UBE2D3: variants seen among roughly 807,000 people sequenced by gnomAD.
The protein encoded by UBE2D3 is ubiquitin-conjugating enzyme E2 D3.
In UBE2D3, 2 loss-of-function variants were observed where a neutral mutation model predicts 22.8. The observed-to-expected ratio is 0.09, with a 90% CI of 0.04 to 0.28. The LOEUF is 0.28. Among genes scored for constraint, UBE2D3 ranks in the 10% least tolerant of loss-of-function variants. UBE2D3 has a pLI of 1.00. For synonymous variants in UBE2D3, 56 were observed against 60.4 expected, an observed-to-expected ratio of 0.93 and a Z score of 0.34; for missense variants, 27 against 182.5, an observed-to-expected ratio of 0.15 and a Z score of 4.91.
intron 7 of UBE2D3, among the ~76,000 whole-genome samples, chr4:102,798,670 A>G (rs983293408): frequency 6.6e-6 from 1 of 151,774 alleles, no homozygotes; most frequent in South Asian, 2.1e-4. Flanking sequence ...ATAGTTTGAA[A>G]AAAAAAAAAG....
intron 4 of UBE2D3, among the ~76,000 whole-genome samples, chr4:102,806,503 GA>G (rs944462927): frequency 1.3e-5 from 2 of 151,604 alleles, no homozygotes; most frequent in South Asian, 4.2e-4. Flanking sequence ...TAATACACTT[GA>G]AAAAAAAGTT....
upstream of UBE2D3, chr4:102,828,204 A>G (rs1730881767): frequency 1.0e-5 from 10 of 985,334 alleles, no homozygotes; most frequent in Admixed American, 6.1e-5. Flanking sequence ...GCGCGCAGAC[A>G]CAGCCTTGTC....
chr4:102,849,895 T>C (rs1375439482), intron 1 of UBE2D3, among the ~76,000 whole-genome samples: 1 of 152,164 alleles, frequency 6.6e-6, no homozygotes, highest in Admixed American at 6.5e-5. Context: ...TGTCATTCTT[T>C]ACAAAATTTG....
At chr4:102,810,058 T>C (rs188608851) in intron 2 of UBE2D3, 398 of 542,382 alleles carry the variant, frequency 7.3e-4, no homozygotes, top group African/African-American at 7.0e-3. Context: ...CGTAAAAATA[T>C]ATATGCAAAC....
intron 2 of UBE2D3, chr4:102,810,568 G>A (rs223417): frequency 0.54 from 82,676 of 151,726 alleles, 23,102 homozygotes; most frequent in African/African-American, 0.68. Flanking sequence ...TAGTAGAGAC[G>A]GGATTTCACT....
intron 6 of UBE2D3, among the ~76,000 whole-genome samples, chr4:102,799,769 A>AAT (rs1725840566): frequency 6.8e-6 from 1 of 147,408 alleles, no homozygotes; most frequent in Non-Finnish European, 1.5e-5. Context: ...ATGCCATATT[A>AAT]ATATATATAT....
chr4:102,839,327 C>T (rs942413500), intron 1 of UBE2D3, among the ~76,000 whole-genome samples: 27 of 152,250 alleles, frequency 1.8e-4, no homozygotes, highest in African/African-American at 3.9e-4. Context: ...AATGCAATGG[C>T]GCCATCATGG....
intron 2 of UBE2D3, among the ~76,000 whole-genome samples, chr4:102,820,445 A>G (rs746149632): frequency 3.9e-5 from 6 of 152,210 alleles, no homozygotes; most frequent in Non-Finnish European, 8.8e-5. Context: ...AAGGTTTAAC[A>G]GTAGGCACTG....
chr4:102,804,234 T>C (rs1726658975), intron 4 of UBE2D3, among the ~76,000 whole-genome samples: 1 of 152,138 alleles, frequency 6.6e-6, no homozygotes, highest in African/African-American at 2.4e-5. Context: ...CAACCTCAGC[T>C]CACTGCAAGC....
At chr4:102,812,636 A>T (rs1162382760) in intron 2 of UBE2D3, 2 of 152,244 alleles carry the variant, frequency 1.3e-5, no homozygotes, top group Admixed American at 6.5e-5. Flanking sequence ...ACAAGCCTGT[A>T]ACTGTGCTTT....
chr4:102,852,291 C>G (rs1317309396), intron 1 of UBE2D3, among the ~76,000 whole-genome samples: 1 of 152,106 alleles, frequency 6.6e-6, no homozygotes, highest in Non-Finnish European at 1.5e-5. Context: ...AGTCCTGAAC[C>G]GATTATCCTT....
intron 2 of UBE2D3, 58 bp from the exon 3 acceptor site, chr4:102,809,913 A>C: frequency 2.5e-6 from 1 of 404,332 alleles, no homozygotes; most frequent in Non-Finnish European, 3.3e-6. Context: ...AAACAAGCAA[A>C]TGAGTCCACT....
At chr4:102,850,482 T>A (rs1732286374) in intron 1 of UBE2D3, among the ~76,000 whole-genome samples, 1 of 152,202 alleles carries the variant, frequency 6.6e-6, no homozygotes, top group Non-Finnish European at 1.5e-5. Flanking sequence ...CCCAACCATT[T>A]CAGCCAGAAG....
chr4:102,795,768 C>T lies in UBE2D3; in HGVS notation c.*1647G>A, dbSNP rs1027331980. ...TGTGCAGACAAGGAATAAGATTGCACGTAAGTGTAAGCAGTGCAAAAATGT... is the reference window on the plus strand; with the variant it reads ...TGTGCAGACAAGGAATAAGATTGCATGTAAGTGTAAGCAGTGCAAAAATGT... On this transcript the variant is annotated 3_prime_UTR_variant, in exon 8 of 8. Coordinates refer to ENST00000453744, the MANE Select transcript of UBE2D3 (RefSeq NM_181891.3). 5.3e-5 allele frequency: 8 copies of T among 151,930 alleles called. No individual in the cohort carries two copies. The highest frequency in any genetic ancestry group is 2.1e-4 in the South Asian group (1 of 4,816). 9.4% of individuals were successfully genotyped at this position (151,930 alleles called of 1,614,324 possible). A position where few individuals can be genotyped will look rare whatever the true frequency, so the allele number is the denominator to read the frequency against.
intron 2 of UBE2D3, among the ~76,000 whole-genome samples, chr4:102,822,060 A>T (rs919670262): frequency 2.0e-5 from 3 of 152,216 alleles, no homozygotes; most frequent in Non-Finnish European, 4.4e-5. Flanking sequence ...GTCTTGGATA[A>T]AAAGGGTCAC....
upstream of UBE2D3, among the ~76,000 whole-genome samples, chr4:102,829,608 TTAAAG>T (rs1385063445): frequency 5.3e-5 from 8 of 152,326 alleles, no homozygotes; most frequent in African/African-American, 1.7e-4. Flanking sequence ...ATGTCAGTTA[TTAAAG>T]TAACCAGTCA....
chr4:102,818,336 G>A (rs1313620263), intron 2 of UBE2D3, among the ~76,000 whole-genome samples: 1 of 152,148 alleles, frequency 6.6e-6, no homozygotes, highest in African/African-American at 2.4e-5. Context: ...ATCTTCCTCT[G>A]AGCTGCTTCT....
At chr4:102,807,349 A>G (rs1447597021) in intron 4 of UBE2D3, among the ~76,000 whole-genome samples, 1 of 152,210 alleles carries the variant, frequency 6.6e-6, no homozygotes, top group Non-Finnish European at 1.5e-5. Flanking sequence ...CTCCACAGTA[A>G]GCATATAGTT....
At chr4:102,816,616 T>A (rs912497817) in intron 2 of UBE2D3, among the ~76,000 whole-genome samples, 1 of 152,206 alleles carries the variant, frequency 6.6e-6, no homozygotes. Flanking sequence ...GAATACCAAT[T>A]ATGTAGATTT....
Sources: gnomAD v4.1 joint callset for allele counts (sites outside exome capture counted in the v4.1 genomes callset) on GRCh38, gnomAD v4.1.1 for gene constraint, MANE v1.5 for transcripts, NCBI Gene and HGNC (gene_info 2026-07-23, HGNC 2026-07-21) for gene names.